The following TRAPPC9 variants were observed in gnomAD, a reference collection of about 807,000 sequenced individuals.
The protein encoded by TRAPPC9 is IKK2 binding protein.
TRAPPC9 carries 83 observed loss-of-function variants against 124.0 expected under a neutral mutation model. That is an observed-to-expected ratio of 0.67 (90% confidence interval 0.56 to 0.80). The LOEUF (loss-of-function observed/expected upper bound fraction) is 0.80, where lower values mean the gene tolerates loss of function less well. Ranked by LOEUF, TRAPPC9 falls within the 30% of genes least tolerant of loss-of-function variation. TRAPPC9 has a pLI of 0.00. For missense variants in TRAPPC9, 1,302 were observed against 1,508.3 expected (o/e 0.86, Z 2.27); for synonymous variants, 638 against 617.5 (o/e 1.03, Z -0.49).
intron 17 of TRAPPC9, among the ~76,000 whole-genome samples, chr8:140,168,046 A>T (rs80194160): frequency 6.6e-6 from 1 of 152,244 alleles, no homozygotes; most frequent in Non-Finnish European, 1.5e-5. Flanking sequence ...AGACTAAAAA[A>T]GATGCCAAGC....
intron 21 of TRAPPC9, among the ~76,000 whole-genome samples, chr8:139,885,252 A>T (rs1222878901): frequency 6.6e-6 from 1 of 152,236 alleles, no homozygotes; most frequent in Non-Finnish European, 1.5e-5. Context: ...CAATGTAGAA[A>T]GGCACAGTGT....
chr8:140,384,441 G>A (rs2068699276), intron 7 of TRAPPC9, among the ~76,000 whole-genome samples: 1 of 152,084 alleles, frequency 6.6e-6, no homozygotes, highest in Non-Finnish European at 1.5e-5. Flanking sequence ...ACACACATAG[G>A]CTCAAAATAA....
intron 5 of TRAPPC9, among the ~76,000 whole-genome samples, chr8:140,414,461 G>A (rs1272484860): frequency 1.3e-5 from 2 of 152,150 alleles, no homozygotes; most frequent in African/African-American, 2.4e-5. Context: ...TTGAGCCTGA[G>A]AGGTTGAGGC....
intron 7 of TRAPPC9, among the ~76,000 whole-genome samples, chr8:140,389,753 T>G (rs2068868775): frequency 1.3e-5 from 2 of 151,742 alleles, no homozygotes; most frequent in Non-Finnish European, 1.5e-5. Context: ...TGTAATATGC[T>G]CCGTTTATGC....
At chr8:140,374,226 A>G (rs1257950149) in intron 7 of TRAPPC9, among the ~76,000 whole-genome samples, 2 of 152,230 alleles carry the variant, frequency 1.3e-5, no homozygotes, top group South Asian at 2.1e-4. Context: ...CAGAAGCCCC[A>G]GTGCTGGAGG....
chr8:140,049,069 A>T (rs1278621804), intron 17 of TRAPPC9, among the ~76,000 whole-genome samples: 1 of 152,242 alleles, frequency 6.6e-6, no homozygotes, highest in Non-Finnish European at 1.5e-5. Context: ...GGCCCACAGC[A>T]ACATCTGATT....
At chr8:140,166,845 C>T (rs956585375) in intron 17 of TRAPPC9, among the ~76,000 whole-genome samples, 4 of 152,300 alleles carry the variant, frequency 2.6e-5, no homozygotes, top group Middle Eastern at 3.4e-3. Flanking sequence ...CATCTGAAGC[C>T]CTGCACTGGG....
At chr8:140,124,400 G>C (rs1266627843) in intron 17 of TRAPPC9, among the ~76,000 whole-genome samples, 1 of 152,196 alleles carries the variant, frequency 6.6e-6, no homozygotes, top group African/African-American at 2.4e-5. Context: ...CCTCTTGGAA[G>C]GACCCTGGTG....
Position 140,145,028 on chromosome 8 carries a change from C to T in TRAPPC9, c.2556+76431G>A, listed in dbSNP as rs114944943. Among the ~76,000 whole-genome samples, 358 of 151,726 alleles carry T rather than the reference C, an allele frequency of 2.4e-3. 1 individual carries two copies. The highest frequency in any genetic ancestry group is 8.3e-3 in the African/African-American group (344 of 41,386). On this transcript the variant is annotated intron_variant, in intron 17 of 22. Transcript: ENST00000438773. ...AGTACCTGAGATTACAGGCGTGTGC[C>T]GTCACACCCAGCTAATTTTTGTATT...
intron 4 of TRAPPC9, among the ~76,000 whole-genome samples, chr8:140,434,068 T>G (rs548394900): frequency 6.6e-6 from 1 of 152,322 alleles, no homozygotes; most frequent in Admixed American, 6.5e-5. Context: ...CCAATCAGAC[T>G]AACTGCAGGC....
chr8:140,179,211 T>C (rs1281745770), intron 17 of TRAPPC9, among the ~76,000 whole-genome samples: 1 of 152,176 alleles, frequency 6.6e-6, no homozygotes, highest in Non-Finnish European at 1.5e-5. Context: ...TAAGCATCTA[T>C]GGCTACAAAT....
chr8:140,020,004 T>G (rs1839734329), intron 18 of TRAPPC9, among the ~76,000 whole-genome samples: 1 of 151,316 alleles, frequency 6.6e-6, no homozygotes. Context: ...GGCTAATTTT[T>G]TTTAATGTTT....
chr8:140,179,334 C>T (rs539368380), intron 17 of TRAPPC9, among the ~76,000 whole-genome samples: 3 of 152,202 alleles, frequency 2.0e-5, no homozygotes, highest in Non-Finnish European at 2.9e-5. Context: ...TTGGAGCCCA[C>T]GGGTTATTTA....
chr8:140,158,811 C>T (rs1379577991), intron 17 of TRAPPC9, among the ~76,000 whole-genome samples: 2 of 152,110 alleles, frequency 1.3e-5, no homozygotes, highest in African/African-American at 4.8e-5. Context: ...TACTATATGC[C>T]AAACACTACC....
At chr8:140,422,373 A>G (rs1413357079) in intron 5 of TRAPPC9, among the ~76,000 whole-genome samples, 2 of 152,230 alleles carry the variant, frequency 1.3e-5, no homozygotes, top group Non-Finnish European at 2.9e-5. Context: ...AAAGGACACC[A>G]TATCAAGAAA....
intron 9 of TRAPPC9, among the ~76,000 whole-genome samples, chr8:140,355,859 C>T (rs2132148855): frequency 6.6e-6 from 1 of 152,338 alleles, no homozygotes. Flanking sequence ...TCCAATGTGA[C>T]CTGTTATAAA....
chr8:140,091,182 C>T (rs1031065072), intron 17 of TRAPPC9, among the ~76,000 whole-genome samples: 1 of 152,212 alleles, frequency 6.6e-6, no homozygotes, highest in African/African-American at 2.4e-5. Flanking sequence ...AGGTGGCAGC[C>T]TGGCCCCATG....
At chr8:140,335,344 G>A (rs7834382) in intron 9 of TRAPPC9, among the ~76,000 whole-genome samples, 44,032 of 151,980 alleles carry the variant, frequency 0.29, 6,745 homozygotes, top group Middle Eastern at 0.43. Context: ...GGGAAGAGGG[G>A]AAATCCCCAC....
intron 21 of TRAPPC9, among the ~76,000 whole-genome samples, chr8:139,878,211 T>G (rs1035175593): frequency 6.6e-6 from 1 of 152,236 alleles, no homozygotes; most frequent in African/African-American, 2.4e-5. Context: ...GTGCGAGACA[T>G]GTTTATAACA....
Sources: allele counts gnomAD v4.1 joint callset (sites outside exome capture counted in the v4.1 genomes callset), GRCh38; gene constraint gnomAD v4.1.1; transcripts MANE v1.5; gene names NCBI Gene and HGNC (gene_info 2026-07-23, HGNC 2026-07-21).